Variants in PCM1 observed in about 807,000 individuals in gnomAD.
PCM1 encodes the protein pericentriolar material 1, also known as pericentriolar material 1 protein.
A neutral mutation model predicts 241.9 loss-of-function variants in PCM1; 157 were observed. The ratio of observed to expected loss-of-function variants is 0.65; its 90% CI spans 0.57 to 0.74. The LOEUF is 0.74. Ranked by LOEUF, PCM1 falls within the 30% of genes least tolerant of loss-of-function variation. The pLI is 0.00. For missense variants in PCM1, 3,478 were observed against 2,360.1 expected, an observed-to-expected ratio of 1.47 and a Z score of -9.81; for synonymous variants, 1,085 against 784.9, an observed-to-expected ratio of 1.38 and a Z score of -6.39.
chr8:17,962,660 G>C (rs546568247), intron 16 of PCM1, among the ~76,000 whole-genome samples: 2 of 152,116 alleles, frequency 1.3e-5, no homozygotes, highest in African/African-American at 4.8e-5. Context: ...CAGCACTTTG[G>C]GAGGCTGAGG....
Position 17,966,349 on chromosome 8 carries a change from A to T in PCM1, c.3097A>T (p.Thr1033Ser). Residue 1033 changes from threonine (T) to serine (S), a missense_variant, in exon 20 of 39, where the codon ACT (threonine) becomes TCT (serine). Physicochemically the swap from Thr to Ser is moderately conservative, Grantham distance 58. Coordinates refer to ENST00000325083, the MANE Select transcript of PCM1 (RefSeq NM_006197.4). The part of the protein sequence containing the change: ...DQQTLSCLLQ[T>S]LLTGPYSVMP... ...ATAGACTCTATCTTGTCTGCTACAA[A>T]CTCTTCTCACGGGTCCTTACAGTGT... The T allele has an allele frequency of 6.2e-7, 1 of 1,613,764 alleles. No homozygotes were observed. Among genetic ancestry groups the T allele is most frequent in the Non-Finnish European group, 8.5e-7 (1 of 1,179,800 alleles).
In PCM1 at chr8:17,993,566, C is replaced by A; in HGVS notation, c.4774C>A (p.Gln1592Lys). ...CCCATGTCCTAGAATTGATACTCAG[C>A]AGCTGGACCGGCAAATTAAAGCAAT... ...TIPCPRIDTQ[Q>K]LDRQIKAIMK... Residue 1592 changes from glutamine (Q) to lysine (K), a missense_variant, in exon 29 of 39, where the codon CAG becomes AAG. Coordinates refer to ENST00000325083, the MANE Select transcript of PCM1 (RefSeq NM_006197.4). 1.3e-6 allele frequency: 2 copies of A among 1,597,242 alleles called. No homozygotes were observed. Among genetic ancestry groups the A allele is most frequent in the Non-Finnish European group, 1.7e-6 (2 of 1,170,626 alleles).
chr8:17,974,893 A>AC (rs397823449), intron 23 of PCM1, among the ~76,000 whole-genome samples: 1 of 151,484 alleles, frequency 6.6e-6, no homozygotes, highest in Non-Finnish European at 1.5e-5. Context: ...ACACACACAC[A>AC]AATAAAAGGC....
chr8:18,012,049 G>C (rs1384771586), intron 34 of PCM1, among the ~76,000 whole-genome samples: 2 of 152,122 alleles, frequency 1.3e-5, no homozygotes, highest in African/African-American at 4.8e-5. Flanking sequence ...GGAGTGCAGT[G>C]GTGTAATTGT....
intron 3 of PCM1, among the ~76,000 whole-genome samples, chr8:17,936,251 G>A (rs1041541817): frequency 4.6e-5 from 7 of 152,130 alleles, no homozygotes; most frequent in Non-Finnish European, 5.9e-5. Flanking sequence ...CTTCTGTGGC[G>A]AGGGTGGGGT....
At chr8:17,959,253 T>C (rs2070416682) in intron 13 of PCM1, among the ~76,000 whole-genome samples, 1 of 152,062 alleles carries the variant, frequency 6.6e-6, no homozygotes, top group Admixed American at 6.5e-5. Context: ...CATGTCAGTA[T>C]AGTTCTATAT....
intron 4 of PCM1, among the ~76,000 whole-genome samples, chr8:17,938,497 A>G (rs1005490823): frequency 6.6e-6 from 1 of 152,130 alleles, no homozygotes; most frequent in African/African-American, 2.4e-5. Flanking sequence ...ATTTAGACTT[A>G]CCTTGTTCAT....
rs1469452629 is a variant in PCM1 at position 17,923,894 on chromosome 8, A to G, written c.-91+706A>G. Among the ~76,000 whole-genome samples the G allele has an allele frequency of 7.2e-5, 11 of 152,266 alleles. No homozygotes were observed. The East Asian group carries it at 1.5e-3, about 21-fold the overall frequency. ...CTGGGGGAAACGTTGTTTGGTTTAC[A>G]GAAACTGGCGTTTGGGGATTAGGCC... is the stretch of plus-strand genomic sequence containing the variant. On this transcript the variant is annotated intron_variant, in intron 1 of 38. Coordinates refer to ENST00000325083, the MANE Select transcript of PCM1 (RefSeq NM_006197.4).
chr8:18,000,896 A>G (rs1409379673), intron 29 of PCM1, among the ~76,000 whole-genome samples: 1 of 152,206 alleles, frequency 6.6e-6, no homozygotes, highest in Non-Finnish European at 1.5e-5. Context: ...GGCTCGAGCC[A>G]CTGTGCCAGC....
chr8:17,960,665 C>A (rs957972250), intron 15 of PCM1, among the ~76,000 whole-genome samples: 6 of 151,550 alleles, frequency 4.0e-5, no homozygotes, highest in Admixed American at 3.9e-4. Flanking sequence ...GCTGGGACTT[C>A]AGGCACCCGC....
At chr8:18,001,714 G>GT (rs1190687966) in intron 29 of PCM1, among the ~76,000 whole-genome samples, 7 of 152,166 alleles carry the variant, frequency 4.6e-5, no homozygotes. Context: ...ACTTTTCTTT[G>GT]TAAGACATGT....
At chr8:18,000,428 T>C (rs7829650) in intron 29 of PCM1, among the ~76,000 whole-genome samples, 108,218 of 151,928 alleles carry the variant, frequency 0.71, 39,153 homozygotes, top group Non-Finnish European at 0.77. Flanking sequence ...TGCAGTGAGA[T>C]CAGAAGAGAA....
chr8:17,969,374 T>G (rs1338400883), intron 21 of PCM1: 1 of 474,392 alleles, frequency 2.1e-6, no homozygotes, highest in Non-Finnish European at 3.7e-6. Context: ...GTGGGGATTA[T>G]TAATTGTCTT....
intron 34 of PCM1, among the ~76,000 whole-genome samples, 195 bp downstream of exon 34, chr8:18,012,022 G>A (rs111512856): frequency 2.7e-4 from 41 of 152,250 alleles, no homozygotes; most frequent in African/African-American, 8.7e-4. Flanking sequence ...ACAGGGTCTT[G>A]CTCAGTCTTC....
At chr8:17,948,449 T>G (rs563065282) in intron 7 of PCM1, among the ~76,000 whole-genome samples, 1 of 151,810 alleles carries the variant, frequency 6.6e-6, no homozygotes, top group Non-Finnish European at 1.5e-5. Context: ...GGATTACAGG[T>G]GCGCACCACC....
At chr8:18,015,957 C>T (rs1040926755) in intron 36 of PCM1, among the ~76,000 whole-genome samples, 3 of 152,172 alleles carry the variant, frequency 2.0e-5, no homozygotes, top group Admixed American at 1.3e-4. Flanking sequence ...GGCGCGATCT[C>T]GGCTCACTGC....
chr8:17,947,466 C>A, intron 7 of PCM1, 103 bp downstream of exon 7: 1 of 874,498 alleles, frequency 1.1e-6, no homozygotes, highest in Non-Finnish European at 1.7e-6. Context: ...TGATTGTTGT[C>A]TAGTTTAGAA....
chr8:17,998,031 G>C (rs1430143328), intron 29 of PCM1, among the ~76,000 whole-genome samples: 1 of 145,156 alleles, frequency 6.9e-6, no homozygotes, highest in African/African-American at 2.6e-5. Flanking sequence ...GCAAGGCTCC[G>C]TCTGAAAAAA....
chr8:17,971,774 C>T (rs2076936979), intron 22 of PCM1, among the ~76,000 whole-genome samples: 1 of 152,184 alleles, frequency 6.6e-6, no homozygotes, highest in Non-Finnish European at 1.5e-5. Context: ...CAGGGTCTCA[C>T]TTTGTTACCC....
Sources: gnomAD v4.1 joint callset for allele counts (sites outside exome capture counted in the v4.1 genomes callset) on GRCh38, gnomAD v4.1.1 for gene constraint, MANE v1.5 for transcripts, NCBI Gene and HGNC (gene_info 2026-07-23, HGNC 2026-07-21) for gene names.